The following NOS1AP variants were observed in gnomAD, a reference collection of about 807,000 sequenced individuals.
NOS1AP encodes the protein nitric oxide synthase 1 adaptor protein, also known as carboxyl-terminal PDZ ligand of neuronal nitric oxide synthase protein.
NOS1AP carries 21 observed loss-of-function variants against 56.2 expected under a neutral mutation model. That is an observed-to-expected ratio of 0.37 (90% CI 0.26 to 0.54). The LOEUF is 0.54. NOS1AP is among the 20% of genes least tolerant of loss of function. NOS1AP has a pLI of 0.84. For synonymous variants in NOS1AP, 270 were observed against 274.6 expected (o/e 0.98, Z 0.17); for missense variants, 522 against 657.8 (o/e 0.79, Z 2.26).
intron 9 of NOS1AP, 22 bp downstream of exon 9, chr1:162,365,591 C>A (rs915868604): frequency 4.4e-6 from 7 of 1,606,378 alleles, no homozygotes; most frequent in Admixed American, 3.3e-5. Context: ...CCCTGCCCAG[C>A]CCTGCTTCCT....
intron 1 of NOS1AP, among the ~76,000 whole-genome samples, chr1:162,129,443 T>G (rs1195114491): frequency 9.2e-5 from 14 of 152,152 alleles, no homozygotes; most frequent in Admixed American, 9.2e-4. Flanking sequence ...TCACACAATG[T>G]GTTTTCCTAC....
intron 1 of NOS1AP, among the ~76,000 whole-genome samples, chr1:162,084,098 T>C (rs952787456): frequency 2.0e-5 from 3 of 152,240 alleles, no homozygotes; most frequent in Non-Finnish European, 4.4e-5. Flanking sequence ...TCATAATTGC[T>C]TGTTGAAGCA....
At chr1:162,261,770 A>G (rs1317645752) in intron 2 of NOS1AP, among the ~76,000 whole-genome samples, 3 of 152,182 alleles carry the variant, frequency 2.0e-5, no homozygotes, top group Non-Finnish European at 2.9e-5. Context: ...GTTATTTTTA[A>G]GCCACTAACT....
At chr1:162,240,611 A>C (rs1172465387) in intron 2 of NOS1AP, among the ~76,000 whole-genome samples, 1 of 152,230 alleles carries the variant, frequency 6.6e-6, no homozygotes, top group Non-Finnish European at 1.5e-5. Flanking sequence ...ACTCAAAACA[A>C]AAACTACAAA....
intron 2 of NOS1AP, among the ~76,000 whole-genome samples, chr1:162,206,099 G>A (rs6676638): frequency 0.16 from 23,960 of 152,042 alleles, 2,094 homozygotes; most frequent in South Asian, 0.23. Context: ...AATGTTATCC[G>A]GTAACTGGAA....
chr1:162,114,290 C>G (rs151166253), intron 1 of NOS1AP, among the ~76,000 whole-genome samples: 1 of 152,242 alleles, frequency 6.6e-6, no homozygotes, highest in African/African-American at 2.4e-5. Flanking sequence ...TGGCTTATGT[C>G]TCTGTGGGAG....
At chr1:162,289,269 C>CTTCCTTCCT (rs1655202881) in intron 3 of NOS1AP, among the ~76,000 whole-genome samples, 2 of 54,542 alleles carry the variant, frequency 3.7e-5, no homozygotes, top group Admixed American at 1.9e-4. Context: ...TCCTTCCTTC[C>CTTCCTTCCT]TTCCTTCCTT....
chr1:162,097,720 T>G (rs546463085), intron 1 of NOS1AP, among the ~76,000 whole-genome samples: 246 of 152,312 alleles, frequency 1.6e-3, no homozygotes, highest in African/African-American at 5.7e-3. Flanking sequence ...GGTCTGTTGA[T>G]CTCTCCTTCA....
chr1:162,166,522 A>G (rs1322463889), intron 2 of NOS1AP, among the ~76,000 whole-genome samples: 2 of 152,150 alleles, frequency 1.3e-5, no homozygotes, highest in Non-Finnish European at 2.9e-5. Flanking sequence ...TCCAGAGCCT[A>G]TTTGAGCTTT....
intron 2 of NOS1AP, among the ~76,000 whole-genome samples, chr1:162,217,267 C>CTTTTTTTCTTTTTTTTTTTTTTT (rs1652605034): frequency 1.5e-5 from 1 of 68,366 alleles, no homozygotes; most frequent in Non-Finnish European, 2.6e-5. Flanking sequence ...CTGTTGTTAG[C>CTTTTTTTCTTTTTTTTTTTTTTT]TTTTTTTTTT....
chr1:162,335,165 C>T (rs1324965834), intron 5 of NOS1AP, among the ~76,000 whole-genome samples: 2 of 152,208 alleles, frequency 1.3e-5, no homozygotes, highest in African/African-American at 4.8e-5. Flanking sequence ...GTAGCTCTTA[C>T]AGCGAATTCT....
intron 2 of NOS1AP, among the ~76,000 whole-genome samples, chr1:162,260,902 G>A (rs1340068179): frequency 6.6e-6 from 1 of 152,004 alleles, no homozygotes; most frequent in African/African-American, 2.4e-5. Flanking sequence ...AGGTAATGAA[G>A]CTGATAATTA....
chr1:162,155,251 C>T (rs61684446), intron 2 of NOS1AP, among the ~76,000 whole-genome samples: 2 of 117,178 alleles, frequency 1.7e-5, no homozygotes, highest in African/African-American at 5.6e-5. Context: ...TACATATACA[C>T]ATACATATAT....
At chr1:162,273,925 T>C (rs1654663260) in intron 2 of NOS1AP, among the ~76,000 whole-genome samples, 1 of 152,204 alleles carries the variant, frequency 6.6e-6, no homozygotes, top group Admixed American at 6.5e-5. Context: ...TGAGTAGTAT[T>C]CTATTATATG....
chr1:162,318,010 A>C (rs1656287379), intron 4 of NOS1AP, among the ~76,000 whole-genome samples: 1 of 152,164 alleles, frequency 6.6e-6, no homozygotes, highest in African/African-American at 2.4e-5. Context: ...AGAGGGATAC[A>C]AGCCAGGGGT....
At chr1:162,281,357 T>C (rs762045217) in intron 2 of NOS1AP, among the ~76,000 whole-genome samples, 23 of 152,206 alleles carry the variant, frequency 1.5e-4, no homozygotes, top group Non-Finnish European at 3.2e-4. Context: ...ACTTTGACAT[T>C]CATTTATCAC....
intron 1 of NOS1AP, among the ~76,000 whole-genome samples, chr1:162,150,879 G>A (rs1649677242): frequency 6.6e-6 from 1 of 152,186 alleles, no homozygotes; most frequent in African/African-American, 2.4e-5. Context: ...CAGATAGGAA[G>A]TTTGCAGATT....
intron 3 of NOS1AP, among the ~76,000 whole-genome samples, chr1:162,299,277 A>G (rs571110787): frequency 2.1e-5 from 3 of 143,044 alleles, no homozygotes; most frequent in African/African-American, 7.3e-5. Flanking sequence ...CTGTGTCTCT[A>G]TGTGGCTGGA....
At chr1:162,151,781 G>A (rs1406628146) in intron 1 of NOS1AP, among the ~76,000 whole-genome samples, 1 of 152,070 alleles carries the variant, frequency 6.6e-6, no homozygotes, top group Admixed American at 6.6e-5. Flanking sequence ...AAGGAAGGAA[G>A]AAGAGCAAGT....
Sources: gnomAD v4.1 joint callset for allele counts (sites outside exome capture counted in the v4.1 genomes callset) on GRCh38, gnomAD v4.1.1 for gene constraint, MANE v1.5 for transcripts, NCBI Gene and HGNC (gene_info 2026-07-23, HGNC 2026-07-21) for gene names.